The following KLHL3 variants were observed in gnomAD, a reference collection of about 807,000 sequenced individuals.
The protein encoded by KLHL3 is kelch like family member 3.
A neutral mutation model predicts 70.5 loss-of-function variants in KLHL3; 19 were observed. The ratio of observed to expected loss-of-function variants is 0.27; its 90% CI spans 0.19 to 0.40. KLHL3 has a LOEUF of 0.40. KLHL3 is among the 10% of genes least tolerant of loss of function. The pLI is 1.00. For synonymous variants in KLHL3, 258 were observed against 290.3 expected, an observed-to-expected ratio of 0.89 and a Z score of 1.13; for missense variants, 512 against 771.1, an observed-to-expected ratio of 0.66 and a Z score of 3.98.
At chr5:137,667,510 A>C (rs1751642172) in intron 6 of KLHL3, among the ~76,000 whole-genome samples, 1 of 152,198 alleles carries the variant, frequency 6.6e-6, no homozygotes, top group Non-Finnish European at 1.5e-5. Flanking sequence ...CTCCCAGCTC[A>C]CCACACTTCA....
rs1239037231 is a variant in KLHL3 at position 137,628,077 on chromosome 5, G to T, written c.1591+220C>A. The T allele has an allele frequency of 7.0e-6, 4 of 567,416 alleles. No homozygotes were observed. The Admixed American group carries it at 1.2e-4, about 18-fold the overall frequency. The allele number at this position is 567,416 out of a possible 1,614,324, so 35.1% of individuals were successfully genotyped here. A position where few individuals can be genotyped will look rare whatever the true frequency, so the allele number is the denominator to read the frequency against. On this transcript the variant is annotated intron_variant, in intron 13 of 14. Coordinates refer to ENST00000309755, the MANE Select transcript of KLHL3 (RefSeq NM_017415.3). ...TCATCACCCTTCACTGCGGGGAAAG[G>T]GGATCCTCTGCATCTAGGTTGCAGG...
In KLHL3 at chr5:137,708,272, T is replaced by C. The variant is rs577504394; in HGVS notation, c.241+1478A>G. Reference sequence around the variant, plus strand: ...AGGGGGACACACATGTGACAAACTCTCAGTGCACAAGTGCCAAGTCTCTCC... The same window carrying C: ...AGGGGGACACACATGTGACAAACTCCCAGTGCACAAGTGCCAAGTCTCTCC... On this transcript the variant is annotated intron_variant, in intron 3 of 14. Transcript: ENST00000309755. Among the ~76,000 whole-genome samples the C allele has an allele frequency of 5.3e-5, 8 of 152,276 alleles. No individual in the cohort carries two copies. The East Asian group carries it at 9.6e-4, about 18-fold the overall frequency.
intron 1 of KLHL3, among the ~76,000 whole-genome samples, chr5:137,727,523 C>T (rs1580789998): frequency 2.0e-5 from 3 of 152,252 alleles, no homozygotes; most frequent in Admixed American, 2.0e-4. Context: ...GCCCTGAAGA[C>T]TTCTTATTAC....
At chr5:137,704,647 T>C (rs1752648693) in intron 3 of KLHL3, among the ~76,000 whole-genome samples, 2 of 152,344 alleles carry the variant, frequency 1.3e-5, no homozygotes, top group African/African-American at 2.4e-5. Flanking sequence ...CAGACCATCT[T>C]GGTCAAACCA....
At chr5:137,730,886 A>G (rs1002043211) in intron 1 of KLHL3, among the ~76,000 whole-genome samples, 8 of 152,206 alleles carry the variant, frequency 5.3e-5, no homozygotes, top group African/African-American at 1.4e-4. Flanking sequence ...ATAAATGATA[A>G]AAAGTTAGAT....
chr5:137,678,853 C>A (rs1751952933), intron 5 of KLHL3, among the ~76,000 whole-genome samples: 1 of 152,058 alleles, frequency 6.6e-6, no homozygotes, highest in Admixed American at 6.6e-5. Context: ...TCTACACCAG[C>A]CTATTGATAT....
chr5:137,629,642 T>C (rs1038833660), intron 12 of KLHL3: 1 of 152,232 alleles, frequency 6.6e-6, no homozygotes. Context: ...TCAAGAGATA[T>C]TGCTTGAATA....
At position 137,626,452 on chromosome 5, in the gene KLHL3, G is replaced by A. The variant is rs72800057; in HGVS notation, c.1592-556C>T. Among the ~76,000 whole-genome samples the A allele has an allele frequency of 6.2e-3, 943 of 152,308 alleles. 5 individuals are homozygous for A. Among genetic ancestry groups the A allele is most frequent in the Non-Finnish European group, 0.01 (703 of 68,012 alleles). On this transcript the variant is annotated intron_variant, in intron 13 of 14. Transcript: ENST00000309755. The stretch of plus-strand genomic sequence containing the variant: ...ACAGCTCCTACTCTGATCTCAAAGG[G>A]AGATGGATTTTGGGCAAGGTCTCAT...
intron 2 of KLHL3, among the ~76,000 whole-genome samples, chr5:137,710,969 T>A (rs1430002445): frequency 1.3e-5 from 2 of 152,160 alleles, no homozygotes. Context: ...TTCATTGGTA[T>A]CCTGATCACC....
chr5:137,677,131 G>T (rs1038734304), intron 6 of KLHL3, among the ~76,000 whole-genome samples: 1 of 151,902 alleles, frequency 6.6e-6, no homozygotes, highest in Non-Finnish European at 1.5e-5. Context: ...AAAAAAAAAA[G>T]CTGTTGTTTT....
intron 8 of KLHL3, among the ~76,000 whole-genome samples, chr5:137,650,739 T>C (rs748000752): frequency 6.6e-6 from 1 of 151,624 alleles, no homozygotes; most frequent in African/African-American, 2.4e-5. Context: ...GGAGAATCGC[T>C]TGAACCCAGG....
intron 6 of KLHL3, among the ~76,000 whole-genome samples, chr5:137,672,288 C>T (rs1334863355): frequency 6.6e-6 from 1 of 152,124 alleles, no homozygotes; most frequent in Non-Finnish European, 1.5e-5. Context: ...CAGCCTGCCT[C>T]CCACAGCCTG....
intron 1 of KLHL3, among the ~76,000 whole-genome samples, chr5:137,731,394 G>C (rs940199059): frequency 6.6e-6 from 1 of 152,122 alleles, no homozygotes; most frequent in Non-Finnish European, 1.5e-5. Flanking sequence ...TTGCCGCTGG[G>C]AACAGAAAAA....
At chr5:137,729,684 G>GA (rs754233196) in intron 1 of KLHL3, among the ~76,000 whole-genome samples, 2 of 152,110 alleles carry the variant, frequency 1.3e-5, no homozygotes, top group African/African-American at 4.8e-5. Context: ...TCCAACTCTG[G>GA]ACAGCAATGG....
chr5:137,670,532 T>A (rs758409936), intron 6 of KLHL3, among the ~76,000 whole-genome samples: 46 of 151,454 alleles, frequency 3.0e-4, no homozygotes, highest in Non-Finnish European at 4.4e-4. Context: ...TCATACTGTA[T>A]CCTCAAATAT....
intron 6 of KLHL3, among the ~76,000 whole-genome samples, chr5:137,677,025 A>T (rs530020621): frequency 6.6e-6 from 1 of 152,342 alleles, no homozygotes; most frequent in East Asian, 1.9e-4. Context: ...CAGCTTTGTC[A>T]TCATGATCAT....
intron 7 of KLHL3, chr5:137,660,617 G>A (rs1162563207): frequency 6.6e-6 from 1 of 152,186 alleles, no homozygotes; most frequent in Non-Finnish European, 1.5e-5. Context: ...GCGATTCAGG[G>A]AACATTTCAC....
Position 137,622,046 on chromosome 5 carries a change from G to C in KLHL3, c.*52C>G, listed in dbSNP as rs1161605198. The C allele has an allele frequency of 6.2e-7, 1 of 1,600,136 alleles. No individual in the cohort carries two copies. Among genetic ancestry groups the C allele is most frequent in the East Asian group, 2.2e-5 (1 of 44,842 alleles). ...AGTCACCAAGGTCCTGCTGTTCAGA[G>C]TCACAGGCAGCACCTGCTCCTTCCT... On this transcript the variant is annotated 3_prime_UTR_variant, in exon 15 of 15. Transcript: ENST00000309755.
chr5:137,630,542 C>G (rs958222122), intron 12 of KLHL3, among the ~76,000 whole-genome samples: 1 of 152,198 alleles, frequency 6.6e-6, no homozygotes, highest in Non-Finnish European at 1.5e-5. Context: ...CCCAGGCATG[C>G]TGAGCTCTCA....
Sources: allele counts gnomAD v4.1 joint callset (sites outside exome capture counted in the v4.1 genomes callset), GRCh38; gene constraint gnomAD v4.1.1; transcripts MANE v1.5; gene names NCBI Gene and HGNC (gene_info 2026-07-23, HGNC 2026-07-21).